Variants in GYPE observed in about 807,000 individuals in gnomAD.
The protein encoded by GYPE is glycophorin-E.
GYPE carries 8 observed loss-of-function variants against 11.6 expected under a neutral mutation model. The observed-to-expected ratio is 0.69, with a 90% CI of 0.41 to 1.25. GYPE has a LOEUF of 1.25. Among genes scored for constraint, GYPE ranks in the 50% most tolerant of loss-of-function variants. The pLI, the probability that GYPE is intolerant of heterozygous loss-of-function variation, is 0.01. For missense variants in GYPE, 90 were observed against 92.8 expected, an observed-to-expected ratio of 0.97 and a Z score of 0.12; for synonymous variants, 28 against 29.6, an observed-to-expected ratio of 0.94 and a Z score of 0.18.
At chr4:143,876,396 ATATAT>A (rs1743810209) in intron 3 of GYPE, among the ~76,000 whole-genome samples, 1 of 152,190 alleles carries the variant, frequency 6.6e-6, no homozygotes, top group African/African-American at 2.4e-5. Flanking sequence ...ACATATGTAA[ATATAT>A]TATTTTAAAC....
chr4:143,901,883 C>A (rs1219177874), intron 1 of GYPE, among the ~76,000 whole-genome samples: 1 of 151,956 alleles, frequency 6.6e-6, no homozygotes, highest in Admixed American at 6.6e-5. Flanking sequence ...TCTATTCAGA[C>A]CTTTTCTGCA....
chr4:143,899,074 A>T (rs1744769037), intron 1 of GYPE, among the ~76,000 whole-genome samples: 1 of 146,634 alleles, frequency 6.8e-6, no homozygotes, highest in Non-Finnish European at 1.5e-5. Flanking sequence ...TAGCCCATAT[A>T]AAAAGGAGCA....
chr4:143,874,481 A>C (rs868234914), intron 3 of GYPE, among the ~76,000 whole-genome samples: 1 of 152,188 alleles, frequency 6.6e-6, no homozygotes, highest in African/African-American at 2.4e-5. Flanking sequence ...AGAGGTAATA[A>C]CATTCATTTA....
At position 143,871,758 on chromosome 4, in the gene GYPE, T is replaced by G. The variant is rs1326347686; in HGVS notation, c.*504A>C. The stretch of plus-strand genomic sequence containing the variant: ...CTAATATTTGGTTTACTGTCAGCAG[T>G]CTGTTCGGGCGGCATTTTGCCAATA... On this transcript the variant is annotated 3_prime_UTR_variant, in exon 4 of 4. Coordinates refer to ENST00000358615, the MANE Select transcript of GYPE (RefSeq NM_198682.3). The G allele has an allele frequency of 3.3e-5, 5 of 152,158 alleles. No homozygotes were observed. Among genetic ancestry groups the G allele is most frequent in the Non-Finnish European group, 5.9e-5 (4 of 68,028 alleles). 9.4% of individuals were successfully genotyped at this position (152,158 alleles called of 1,614,324 possible). A position where few individuals can be genotyped will look rare whatever the true frequency, so the allele number is the denominator to read the frequency against.
At chr4:143,882,354 T>C (rs1028177338) in intron 1 of GYPE, among the ~76,000 whole-genome samples, 5 of 152,112 alleles carry the variant, frequency 3.3e-5, no homozygotes, top group South Asian at 2.1e-4. Context: ...AATTAAAGTA[T>C]GTAAAAATTA....
chr4:143,879,880 C>G (rs1743955844), intron 2 of GYPE, among the ~76,000 whole-genome samples: 1 of 152,144 alleles, frequency 6.6e-6, no homozygotes. Context: ...CAGCACCCAG[C>G]TTTGCTTATT....
intron 1 of GYPE, among the ~76,000 whole-genome samples, chr4:143,897,864 G>C (rs918508112): frequency 6.6e-6 from 1 of 152,010 alleles, no homozygotes; most frequent in African/African-American, 2.4e-5. Context: ...CATAAAGTTA[G>C]CTAATGGGAC....
chr4:143,883,218 ACT>A (rs903762475), intron 1 of GYPE, among the ~76,000 whole-genome samples: 4 of 150,722 alleles, frequency 2.7e-5, no homozygotes, highest in Non-Finnish European at 5.9e-5. Flanking sequence ...CTCTCTCCCG[ACT>A]CTCTCTCTTG....
At chr4:143,883,835 A>C (rs935262926) in intron 1 of GYPE, among the ~76,000 whole-genome samples, 9 of 152,004 alleles carry the variant, frequency 5.9e-5, no homozygotes, top group African/African-American at 1.9e-4. Context: ...AGAAAAAAAA[A>C]CAAAAAGTAA....
intron 3 of GYPE, among the ~76,000 whole-genome samples, chr4:143,872,890 G>GT (rs1385997667): frequency 6.6e-6 from 1 of 151,626 alleles, no homozygotes; most frequent in African/African-American, 2.4e-5. Context: ...GGTTGAAGGG[G>GT]GCAGGCCAGG....
rs749031030 is a variant in GYPE at position 143,876,865 on chromosome 4, A to C, written c.137-10T>G. 1.6e-5 allele frequency: 25 copies of C among 1,542,088 alleles called. No homozygotes were observed. The highest frequency in any genetic ancestry group is 2.2e-5 in the Non-Finnish European group (25 of 1,115,540). ...TTAATGAGTGTTATCCCTACAGGAGATAAAGAGAGCGGCAAAATTATGAAA... is the reference window on the plus strand; with the variant it reads ...TTAATGAGTGTTATCCCTACAGGAGCTAAAGAGAGCGGCAAAATTATGAAA... On this transcript the variant is annotated splice_polypyrimidine_tract_variant and intron_variant, in intron 2 of 3. Transcript: ENST00000358615.
rs1743630121 is a variant in GYPE at position 143,871,863 on chromosome 4, A to G, written c.*399T>C. On this transcript the variant is annotated 3_prime_UTR_variant, in exon 4 of 4. Coordinates refer to ENST00000358615, the MANE Select transcript of GYPE (RefSeq NM_198682.3). ...GGCAGTGATTGAGCAGCTGAATTCC[A>G]TCCATTTGGTGGGTAAGGACCTCAG... is the stretch of plus-strand genomic sequence containing the variant. 1 of 152,170 alleles carries G rather than the reference A, an allele frequency of 6.6e-6. No homozygotes were observed. Among genetic ancestry groups the G allele is most frequent in the Non-Finnish European group, 1.5e-5 (1 of 68,054 alleles). The allele number at this position is 152,170 out of a possible 1,614,324, so 9.4% of individuals were successfully genotyped here.
At chr4:143,900,895 A>C (rs1213906624) in intron 1 of GYPE, among the ~76,000 whole-genome samples, 1 of 152,196 alleles carries the variant, frequency 6.6e-6, no homozygotes, top group Non-Finnish European at 1.5e-5. Context: ...TTCTGGAGCT[A>C]CATAATGGTG....
At chr4:143,902,853 G>T (rs1315786356) in intron 1 of GYPE, among the ~76,000 whole-genome samples, 1 of 152,084 alleles carries the variant, frequency 6.6e-6, no homozygotes, top group Admixed American at 6.5e-5. Flanking sequence ...ACACAAAAAA[G>T]CTTTTGGAGA....
At chr4:143,874,246 C>A (rs556733862) in intron 3 of GYPE, among the ~76,000 whole-genome samples, 3 of 152,146 alleles carry the variant, frequency 2.0e-5, no homozygotes, top group East Asian at 1.9e-4. Context: ...TAGCTATAAT[C>A]CCACCAAGTG....
Position 143,884,121 on chromosome 4 carries a change from A to G in GYPE, c.38-3612T>C, listed in dbSNP as rs1052695183. On this transcript the variant is annotated intron_variant, in intron 1 of 3. Coordinates refer to ENST00000358615, the MANE Select transcript of GYPE (RefSeq NM_198682.3). ...TCCCTTCCCTCTTGGGGCTCCAGCC[A>G]TTCTGCACATCTGTTTTCTCTATGA... is the stretch of plus-strand genomic sequence containing the variant. 1.9e-4 allele frequency among the ~76,000 whole-genome samples: 28 copies of G among 150,794 alleles called. 1 individual carries two copies. Among genetic ancestry groups the G allele is most frequent in the African/African-American group, 6.6e-4 (27 of 40,980 alleles).
At chr4:143,884,940 A>G (rs192517046) in intron 1 of GYPE, among the ~76,000 whole-genome samples, 9 of 149,208 alleles carry the variant, frequency 6.0e-5, no homozygotes, top group South Asian at 4.3e-4. Flanking sequence ...GGTTTGAAGC[A>G]GTTTTTTATT....
At chr4:143,901,904 C>G (rs1744881157) in intron 1 of GYPE, among the ~76,000 whole-genome samples, 1 of 152,056 alleles carries the variant, frequency 6.6e-6, no homozygotes, top group African/African-American at 2.4e-5. Context: ...AAGGAGTTCA[C>G]AGTGGGTGTC....
intron 1 of GYPE, among the ~76,000 whole-genome samples, chr4:143,883,380 C>A (rs1276814141): frequency 2.6e-5 from 4 of 151,522 alleles, no homozygotes; most frequent in Admixed American, 2.6e-4. Context: ...TTATAAATTA[C>A]CCAGTCTCAG....
Sources: gnomAD v4.1 joint callset for allele counts (sites outside exome capture counted in the v4.1 genomes callset) on GRCh38, gnomAD v4.1.1 for gene constraint, MANE v1.5 for transcripts, NCBI Gene and HGNC (gene_info 2026-07-23, HGNC 2026-07-21) for gene names.